The following GRIN2A variants were observed in gnomAD, a reference collection of about 807,000 sequenced individuals.
The protein encoded by GRIN2A is glutamate ionotropic receptor NMDA type subunit 2A, also known as glutamate receptor ionotropic, NMDA 2A.
GRIN2A carries 22 observed loss-of-function variants against 113.4 expected under a neutral mutation model. The ratio of observed to expected loss-of-function variants is 0.19; its 90% confidence interval spans 0.14 to 0.28. The LOEUF (loss-of-function observed/expected upper bound fraction) is 0.28. GRIN2A is among the 10% of genes least tolerant of loss of function. The pLI is 1.00. For missense variants in GRIN2A, 1,502 were observed against 1,887.0 expected (o/e 0.80, Z 3.78); for synonymous variants, 827 against 738.4 (o/e 1.12, Z -1.94).
At chr16:10,025,094 G>T (rs2141907092) in intron 2 of GRIN2A, among the ~76,000 whole-genome samples, 1 of 152,094 alleles carries the variant, frequency 6.6e-6, no homozygotes, top group East Asian at 1.9e-4. Flanking sequence ...GAGAGGAAAA[G>T]AGAGGAGGAA....
At chr16:9,922,432 T>C (rs1486579493) in intron 3 of GRIN2A, among the ~76,000 whole-genome samples, 1 of 152,160 alleles carries the variant, frequency 6.6e-6, no homozygotes, top group Non-Finnish European at 1.5e-5. Flanking sequence ...CTATTTCCAC[T>C]ACCTCATAAA....
At chr16:9,934,863 C>G (rs1409071116) in intron 3 of GRIN2A, among the ~76,000 whole-genome samples, 1 of 151,780 alleles carries the variant, frequency 6.6e-6, no homozygotes, top group Non-Finnish European at 1.5e-5. Context: ...TGTGCCTTAT[C>G]CAAACTTACA....
intron 2 of GRIN2A, among the ~76,000 whole-genome samples, chr16:10,105,973 T>C (rs2142125805): frequency 6.6e-6 from 1 of 152,256 alleles, no homozygotes; most frequent in East Asian, 1.9e-4. Context: ...CAAAGGTATA[T>C]GTATATGCAC....
intron 2 of GRIN2A, among the ~76,000 whole-genome samples, chr16:10,047,659 G>A (rs573255952): frequency 6.6e-6 from 1 of 152,286 alleles, no homozygotes; most frequent in East Asian, 1.9e-4. Context: ...CTTCATCTTT[G>A]TAGGAGAGAA....
At chr16:10,171,322 G>A (rs2050036650) in intron 2 of GRIN2A, 1 of 152,180 alleles carries the variant, frequency 6.6e-6, no homozygotes, top group South Asian at 2.1e-4. Context: ...AGGTTTCCCA[G>A]GCTATCACTG....
rs140761566 is a variant in GRIN2A at position 9,803,402 on chromosome 16, C to T, written c.2169-4938G>A. Among the ~76,000 whole-genome samples the T allele has an allele frequency of 4.8e-4, 72 of 150,114 alleles. 5 individuals are homozygous for T. In the East Asian group the frequency reaches 0.014, roughly 29 times the overall value. ...TGCACTCCAGCCTGGGCAACAAGAGCAAAACTCCATCTCAAAAAAAAAAAC... is the reference window on the plus strand; with the variant it reads ...TGCACTCCAGCCTGGGCAACAAGAGTAAAACTCCATCTCAAAAAAAAAAAC... On this transcript the variant is annotated intron_variant, in intron 10 of 12. Transcript: ENST00000330684.
intron 2 of GRIN2A, among the ~76,000 whole-genome samples, chr16:10,129,636 A>C (rs2049021445): frequency 6.6e-6 from 1 of 152,206 alleles, no homozygotes; most frequent in Non-Finnish European, 1.5e-5. Context: ...CAGAAAGATA[A>C]AGGACCAAGG....
At chr16:10,029,833 C>A (rs546553400) in intron 2 of GRIN2A, among the ~76,000 whole-genome samples, 2 of 152,012 alleles carry the variant, frequency 1.3e-5, no homozygotes, top group Admixed American at 1.3e-4. Context: ...CCCGTCTCTA[C>A]TAAAAATACA....
chr16:10,110,463 G>A (rs1257775240), intron 2 of GRIN2A, among the ~76,000 whole-genome samples: 2 of 152,232 alleles, frequency 1.3e-5, no homozygotes, highest in African/African-American at 4.8e-5. Flanking sequence ...AACAGAATAT[G>A]GAGAAGCAAG....
chr16:10,047,199 C>T (rs1375777716), intron 2 of GRIN2A, among the ~76,000 whole-genome samples: 1 of 152,140 alleles, frequency 6.6e-6, no homozygotes, highest in Non-Finnish European at 1.5e-5. Flanking sequence ...AATTTATATC[C>T]TTCTATAAAT....
chr16:9,760,509 G>A lies in GRIN2A; in HGVS notation c.*2640C>T, dbSNP rs563231828. The A allele has an allele frequency of 4.7e-6, 1 of 213,772 alleles. No individual in the cohort carries two copies. The highest frequency in any genetic ancestry group is 2.3e-5 in the African/African-American group (1 of 43,714). 13.2% of individuals were successfully genotyped at this position (213,772 alleles called of 1,614,324 possible). On this transcript the variant is annotated 3_prime_UTR_variant, in exon 13 of 13. Transcript: ENST00000330684. ...TATTTGAAAAAACACTTCGGTCAGT[G>A]AAAAGAATATATATTTTTTTCACAA... is the stretch of plus-strand genomic sequence containing the variant.
At chr16:10,161,330 A>C (rs1318638323) in intron 2 of GRIN2A, among the ~76,000 whole-genome samples, 1 of 152,218 alleles carries the variant, frequency 6.6e-6, no homozygotes, top group Non-Finnish European at 1.5e-5. Flanking sequence ...CTGAACTGTG[A>C]GTCAATTAAA....
chr16:9,930,775 C>A (rs1444037332), intron 3 of GRIN2A, among the ~76,000 whole-genome samples: 1 of 152,176 alleles, frequency 6.6e-6, no homozygotes. Context: ...AAAAATATGT[C>A]AACCAGGTTT....
chr16:9,827,971 G>A (rs1382633971), intron 9 of GRIN2A, among the ~76,000 whole-genome samples: 2 of 152,120 alleles, frequency 1.3e-5, no homozygotes, highest in African/African-American at 4.8e-5. Flanking sequence ...GTTTACTTGT[G>A]TATTGCTTAT....
intron 9 of GRIN2A, among the ~76,000 whole-genome samples, chr16:9,826,748 C>A (rs1222964454): frequency 6.6e-6 from 1 of 152,180 alleles, no homozygotes. Flanking sequence ...AGCATGGAGA[C>A]TGAGCTTTGT....
At position 9,754,301 on chromosome 16, in the gene GRIN2A, T is replaced by G. The variant is rs1900273549; in HGVS notation, c.*8848A>C. On this transcript the variant is annotated 3_prime_UTR_variant, in exon 13 of 13. Transcript: ENST00000330684. ...ATTAAGATTCATAGTTAAAAACAAC[T>G]GGTAAAGAAATCTTTGGGGACCCTC... The G allele has an allele frequency of 4.9e-6, 1 of 204,924 alleles. No homozygotes were observed. Among genetic ancestry groups the G allele is most frequent in the Non-Finnish European group, 1.0e-5 (1 of 100,018 alleles). 12.7% of individuals were successfully genotyped at this position (204,924 alleles called of 1,614,324 possible).
intron 3 of GRIN2A, among the ~76,000 whole-genome samples, chr16:9,932,736 C>T (rs754341784): frequency 6.6e-6 from 1 of 152,166 alleles, no homozygotes; most frequent in Non-Finnish European, 1.5e-5. Context: ...TTACAGACTG[C>T]TTTTCCATAC....
At chr16:9,938,925 C>G (rs1187151461) in intron 2 of GRIN2A, among the ~76,000 whole-genome samples, 1 of 152,116 alleles carries the variant, frequency 6.6e-6, no homozygotes, top group African/African-American at 2.4e-5. Flanking sequence ...GGAAATAAAA[C>G]AGCATCAGCA....
At chr16:9,782,898 G>C (rs1027612317) in intron 11 of GRIN2A, among the ~76,000 whole-genome samples, 1 of 152,156 alleles carries the variant, frequency 6.6e-6, no homozygotes, top group Admixed American at 6.6e-5. Flanking sequence ...AAATAAACAA[G>C]TCTAATTTTT....
Sources: gnomAD v4.1 joint callset for allele counts (sites outside exome capture counted in the v4.1 genomes callset) on GRCh38, gnomAD v4.1.1 for gene constraint, MANE v1.5 for transcripts, NCBI Gene and HGNC (gene_info 2026-07-23, HGNC 2026-07-21) for gene names.